SLC22A15: variants seen among roughly 807,000 people sequenced by gnomAD.
SLC22A15 encodes flipt 1.
SLC22A15 carries 45 observed loss-of-function variants against 62.7 expected under a neutral mutation model. That is an observed-to-expected ratio of 0.72 (90% CI 0.56 to 0.92). The LOEUF is 0.92. SLC22A15 is among the 40% of genes least tolerant of loss of function. The pLI is 0.00. For missense variants in SLC22A15, 622 were observed against 665.6 expected (o/e 0.93, Z 0.72); for synonymous variants, 264 against 267.0 (o/e 0.99, Z 0.11).
chr1:116,016,116 C>T (rs767866120), intron 2 of SLC22A15, among the ~76,000 whole-genome samples: 7 of 150,304 alleles, frequency 4.7e-5, no homozygotes, highest in African/African-American at 7.4e-5. Context: ...CTCCTTCTTT[C>T]TCTCTTTTCT....
At position 116,031,392 on chromosome 1, in the gene SLC22A15, T is replaced by C. The variant is rs774269710; in HGVS notation, c.755T>C (p.Leu252Ser). The C allele has an allele frequency of 1.2e-6, 2 of 1,613,624 alleles. No homozygotes were observed. The highest frequency in any genetic ancestry group is 1.7e-6 in the Non-Finnish European group (2 of 1,179,836). ...SLFIPESPRW[L>S]YSQGRLSEAE... ...TTCATTCCTGAATCACCTCGTTGGT[T>C]ATACTCCCAGGGTCGACTGAGTGAG... The change falls in exon 6 of 12, where the codon TTA becomes TCA. Residue 252 changes from leucine to serine, a missense_variant. By Grantham distance (145) the Leu-to-Ser change is moderately radical. Transcript: ENST00000369503.
chr1:116,060,089 A>G (rs1230417333), intron 8 of SLC22A15, among the ~76,000 whole-genome samples: 4 of 152,328 alleles, frequency 2.6e-5, no homozygotes, highest in African/African-American at 9.6e-5. Flanking sequence ...TTTTCAGATA[A>G]AGAATCCAGG....
chr1:115,989,781 CA>C (rs36098680), intron 1 of SLC22A15, among the ~76,000 whole-genome samples: 240 of 145,892 alleles, frequency 1.6e-3, no homozygotes, highest in African/African-American at 5.7e-3. Flanking sequence ...AACTCAGTCT[CA>C]AAAAAAAAAA....
intron 2 of SLC22A15, chr1:116,017,368 CAAAAAAAA>C (rs558402209): frequency 1.2e-5 from 1 of 84,880 alleles, no homozygotes; most frequent in Admixed American, 1.4e-4. Flanking sequence ...GAAACCCTGC[CAAAAAAAA>C]AAAAAAAAGA....
intron 6 of SLC22A15, among the ~76,000 whole-genome samples, chr1:116,033,550 GGTGTCTCT>G (rs916274486): frequency 3.5e-5 from 3 of 84,850 alleles, no homozygotes; most frequent in Non-Finnish European, 7.3e-5. Context: ...TTTAAATAGG[GGTGTCTCT>G]GTGTGTGTGT....
At chr1:116,050,961 AC>A (rs1658035218) in intron 8 of SLC22A15, among the ~76,000 whole-genome samples, 1 of 152,044 alleles carries the variant, frequency 6.6e-6, no homozygotes, top group South Asian at 2.1e-4. Context: ...CAAGAACTCA[AC>A]CCCTTTATGG....
intron 5 of SLC22A15, 22 bp from the exon 6 acceptor site, chr1:116,031,344 G>A: frequency 6.3e-7 from 1 of 1,584,726 alleles, no homozygotes; most frequent in Non-Finnish European, 8.6e-7. Context: ...GAATATACAG[G>A]CTTTAATGAC....
intron 8 of SLC22A15, among the ~76,000 whole-genome samples, chr1:116,040,923 C>T (rs6690998): frequency 6.6e-6 from 1 of 152,132 alleles, no homozygotes; most frequent in South Asian, 2.1e-4. Flanking sequence ...GTTTTAGAAC[C>T]AAAGTATTCG....
intron 2 of SLC22A15, among the ~76,000 whole-genome samples, chr1:116,005,643 CA>C (rs1271900299): frequency 6.6e-6 from 1 of 152,064 alleles, no homozygotes; most frequent in East Asian, 1.9e-4. Context: ...AGGTAAACTC[CA>C]ATTTTCCATA....
At chr1:115,997,261 T>G (rs1655475851) in intron 2 of SLC22A15, among the ~76,000 whole-genome samples, 1 of 152,146 alleles carries the variant, frequency 6.6e-6, no homozygotes, top group Admixed American at 6.5e-5. Context: ...TTGTTGTTGC[T>G]CAGGATGGCT....
At chr1:116,020,585 A>G (rs955023388) in intron 3 of SLC22A15, 136 bp from the exon 4 acceptor site, 13 of 786,678 alleles carry the variant, frequency 1.7e-5, no homozygotes, top group Non-Finnish European at 2.4e-5. Flanking sequence ...AAAAAAAAAC[A>G]AAAAGAAACC....
intron 4 of SLC22A15, among the ~76,000 whole-genome samples, chr1:116,023,983 A>G (rs1484587221): frequency 6.6e-6 from 1 of 152,142 alleles, no homozygotes; most frequent in Non-Finnish European, 1.5e-5. Flanking sequence ...GAGAGGGACC[A>G]GATGATACAG....
At chr1:116,044,009 A>C (rs1657861557) in intron 8 of SLC22A15, among the ~76,000 whole-genome samples, 1 of 152,232 alleles carries the variant, frequency 6.6e-6, no homozygotes, top group South Asian at 2.1e-4. Flanking sequence ...TTACTGGTAA[A>C]TTCTATGAAA....
At chr1:115,986,508 G>C (rs1483229044) in intron 1 of SLC22A15, among the ~76,000 whole-genome samples, 1 of 152,172 alleles carries the variant, frequency 6.6e-6, no homozygotes, top group South Asian at 2.1e-4. Flanking sequence ...AGAGTGATTT[G>C]TTGAAGCCGT....
At chr1:115,997,744 G>T (rs1370231767) in intron 2 of SLC22A15, among the ~76,000 whole-genome samples, 1 of 151,892 alleles carries the variant, frequency 6.6e-6, no homozygotes, top group Non-Finnish European at 1.5e-5. Context: ...GCAAACAAGG[G>T]TAATTTGACT....
intron 2 of SLC22A15, among the ~76,000 whole-genome samples, chr1:115,994,871 C>G (rs1421679198): frequency 6.6e-6 from 1 of 152,130 alleles, no homozygotes; most frequent in East Asian, 1.9e-4. Flanking sequence ...TCACTTAACC[C>G]AATAACATCC....
intron 2 of SLC22A15, among the ~76,000 whole-genome samples, chr1:116,016,607 G>T (rs1198424950): frequency 6.6e-6 from 1 of 152,112 alleles, no homozygotes; most frequent in Non-Finnish European, 1.5e-5. Flanking sequence ...TCTCTACTTA[G>T]ATGTTTTATA....
intron 1 of SLC22A15, among the ~76,000 whole-genome samples, chr1:115,985,153 C>T (rs778224878): frequency 3.3e-5 from 5 of 152,158 alleles, no homozygotes; most frequent in Non-Finnish European, 5.9e-5. Flanking sequence ...CCCGCAGGCT[C>T]CGTTCATGGT....
At chr1:116,054,914 G>A (rs1203224558) in intron 8 of SLC22A15, among the ~76,000 whole-genome samples, 3 of 151,824 alleles carry the variant, frequency 2.0e-5, no homozygotes, top group East Asian at 1.9e-4. Context: ...AGTGTGTAGA[G>A]GGAAATTTAT....
Sources: gnomAD v4.1 joint callset for allele counts (sites outside exome capture counted in the v4.1 genomes callset) on GRCh38, gnomAD v4.1.1 for gene constraint, MANE v1.5 for transcripts, NCBI Gene and HGNC (gene_info 2026-07-23, HGNC 2026-07-21) for gene names.